GOLIM4: variants seen among roughly 807,000 people sequenced by gnomAD.
The protein encoded by GOLIM4 is golgi integral membrane protein 4.
A neutral mutation model predicts 107.4 loss-of-function variants in GOLIM4; 71 were observed. That is an observed-to-expected ratio of 0.66 (90% confidence interval 0.55 to 0.81). The LOEUF (loss-of-function observed/expected upper bound fraction) is 0.81, where lower values mean the gene tolerates loss of function less well. GOLIM4 is among the 30% of genes least tolerant of loss of function. The probability of loss-of-function intolerance (pLI) is 0.00; values close to 1 mark genes in which losing one functional copy is unlikely to be tolerated. For synonymous variants in GOLIM4, 327 were observed against 294.8 expected (o/e 1.11, Z -1.12); for missense variants, 830 against 826.1 (o/e 1.00, Z -0.06).
intron 3 of GOLIM4, 45 bp from the exon 4 acceptor site, chr3:168,044,926 T>C: frequency 1.8e-6 from 2 of 1,127,000 alleles, no homozygotes; most frequent in Non-Finnish European, 2.6e-6. Context: ...TAAATATGGC[T>C]CTCTTGTTAA....
chr3:168,056,518 G>A (rs1719981314), intron 1 of GOLIM4, among the ~76,000 whole-genome samples: 2 of 152,188 alleles, frequency 1.3e-5, no homozygotes, highest in African/African-American at 4.8e-5. Context: ...AAAAGCCACA[G>A]ACACTCAACA....
At chr3:168,017,011 G>T (rs1717408088) in intron 14 of GOLIM4, among the ~76,000 whole-genome samples, 2 of 151,224 alleles carry the variant, frequency 1.3e-5, no homozygotes, top group South Asian at 2.1e-4. Flanking sequence ...CCTGCACAAT[G>T]TGCACATGTA....
chr3:168,041,471 G>A lies in GOLIM4; in HGVS notation c.521C>T (p.Thr174Ile). The A allele has an allele frequency of 1.4e-6, 2 of 1,477,760 alleles. 1 individual carries two copies. The highest frequency in any genetic ancestry group is 2.3e-5 in the South Asian group (2 of 87,482). 91.5% of individuals were successfully genotyped at this position (1,477,760 alleles called of 1,614,324 possible). The change falls in exon 6 of 16, where the codon ACT (threonine) becomes ATT (isoleucine). Residue 174 changes from threonine to isoleucine, a missense_variant. Physicochemically the swap from Thr to Ile is moderately conservative, Grantham distance 89 (BLOSUM62 -1). Coordinates refer to ENST00000470487, the MANE Select transcript of GOLIM4 (RefSeq NM_014498.5). Reference sequence around the variant, plus strand: ...ATTCTCTTCTCTCAAATTGTATACAGTCTCTATTTTAGAAAAAGAAGGATC... The same window carrying A: ...ATTCTCTTCTCTCAAATTGTATACAATCTCTATTTTAGAAAAAGAAGGATC... Reference protein sequence around the residue: ...KEQELSKLKETVYNLREENRQ... With the variant: ...KEQELSKLKEIVYNLREENRQ...
chr3:168,064,917 C>CGAAT (rs1269797715), intron 1 of GOLIM4, among the ~76,000 whole-genome samples: 1 of 150,020 alleles, frequency 6.7e-6, no homozygotes, highest in East Asian at 1.9e-4. Flanking sequence ...TTAAAGCTAC[C>CGAAT]GAATATAACT....
In GOLIM4 at chr3:168,024,988, A is replaced by C; in HGVS notation, c.1731T>G (p.Asn577Lys). The change falls in exon 13 of 16, where the codon AAT (asparagine) becomes AAG (lysine). Residue 577 changes from asparagine (N) to lysine (K), a missense_variant. Asn to Lys is a moderately conservative substitution (Grantham distance 94). Coordinates refer to ENST00000470487, the MANE Select transcript of GOLIM4 (RefSeq NM_014498.5). ...TTTGATTACTTTGTTTTTGCTCTTC[A>C]TTTTCATCTGGCAAATTTTCTTCTC... ...QVREENLPDE[N>K]EEQKQSNQKQ... The C allele has an allele frequency of 6.2e-7, 1 of 1,613,864 alleles. No homozygotes were observed. Among genetic ancestry groups the C allele is most frequent in the Non-Finnish European group, 8.5e-7 (1 of 1,179,904 alleles).
intron 3 of GOLIM4, among the ~76,000 whole-genome samples, chr3:168,045,274 C>T (rs9815132): frequency 0.043 from 6,493 of 152,034 alleles, 430 homozygotes; most frequent in African/African-American, 0.15. Context: ...AGAAATAAAC[C>T]GATGAGGAGC....
rs1408668562 is a variant in GOLIM4 at position 168,010,811 on chromosome 3, A to G, written c.1873T>C (p.Leu625=). The stretch of plus-strand genomic sequence containing the variant: ...AGTTCCCTTTTTTTCTCTTCAGTCA[A>G]ATCTTCCTGAACCTAAAACAAACCA... ...EEAEEEVQED[L]TEEKKRELEH... is the part of the protein sequence containing the mutation. Residue 625 remains leucine, a synonymous_variant, in exon 15 of 16, where the codon TTG becomes CTG. Transcript: ENST00000470487. 5 of 1,609,404 alleles carry G rather than the reference A, an allele frequency of 3.1e-6. No individual in the cohort carries two copies. Among genetic ancestry groups the G allele is most frequent in the African/African-American group, 1.3e-5 (1 of 74,846 alleles).
chr3:168,092,713 C>A (rs1220144332), intron 1 of GOLIM4, among the ~76,000 whole-genome samples: 1 of 152,130 alleles, frequency 6.6e-6, no homozygotes, highest in African/African-American at 2.4e-5. Context: ...GTACACAGTG[C>A]TGTTGAGTAA....
chr3:168,075,297 T>TTG (rs1302480416), intron 1 of GOLIM4, among the ~76,000 whole-genome samples: 1 of 84,892 alleles, frequency 1.2e-5, no homozygotes, highest in Non-Finnish European at 2.6e-5. Flanking sequence ...TTTTTTTTTT[T>TTG]TTTTTTTTTT....
rs773783432 is a variant in GOLIM4, at chr3:168,010,366, C to A, written c.1994G>T (p.Arg665Leu). 7 of 1,612,132 alleles carry A rather than the reference C, an allele frequency of 4.3e-6. No individual in the cohort carries two copies. The highest frequency in any genetic ancestry group is 1.7e-5 in the Admixed American group (1 of 59,946). Residue 665 changes from arginine to leucine, a missense_variant, in exon 16 of 16, where the codon CGC becomes CTC. By Grantham distance (102) the Arg-to-Leu change is moderately radical. Coordinates refer to ENST00000470487, the MANE Select transcript of GOLIM4 (RefSeq NM_014498.5). The part of the protein sequence containing the change: ...GEEQEVRDDN[R>L]PKGREEHYEE... Reference sequence around the variant, plus strand: ...GTAGTGTTCCTCTCGGCCTTTGGGGCGGTTGTCATCTCGAACTTCTTGCTC... The same window carrying A: ...GTAGTGTTCCTCTCGGCCTTTGGGGAGGTTGTCATCTCGAACTTCTTGCTC...
intron 6 of GOLIM4, chr3:168,041,168 C>T (rs79237703): frequency 0.028 from 14,719 of 518,720 alleles, 1,672 homozygotes; most frequent in African/African-American, 0.25. Context: ...ATGTAACTAG[C>T]ATGAGAATAA....
chr3:168,063,087 T>G (rs1720355038), intron 1 of GOLIM4, among the ~76,000 whole-genome samples: 1 of 152,084 alleles, frequency 6.6e-6, no homozygotes, highest in Non-Finnish European at 1.5e-5. Flanking sequence ...CTAACACAAG[T>G]TCTCCTCCAA....
At position 168,048,287 on chromosome 3, in the gene GOLIM4, T is replaced by A; in HGVS notation, c.262+4A>T. On this transcript the variant is annotated splice_donor_region_variant and intron_variant, in intron 2 of 15. Coordinates refer to ENST00000470487, the MANE Select transcript of GOLIM4 (RefSeq NM_014498.5). ...CACAGAACACAAATTATGTATTTACTTACCTTCCTTTGCTTTTTTATGTTC... is the reference window on the plus strand; with the variant it reads ...CACAGAACACAAATTATGTATTTACATACCTTCCTTTGCTTTTTTATGTTC... 7.2e-7 allele frequency: 1 copy of A among 1,379,970 alleles called. No individual in the cohort carries two copies. The highest frequency in any genetic ancestry group is 2.3e-5 in the East Asian group (1 of 42,904). 85.5% of individuals were successfully genotyped at this position (1,379,970 alleles called of 1,614,324 possible). A position where few individuals can be genotyped will look rare whatever the true frequency, so the allele number is the denominator to read the frequency against.
At chr3:168,017,466 G>A (rs1044831958) in intron 14 of GOLIM4, among the ~76,000 whole-genome samples, 5 of 152,094 alleles carry the variant, frequency 3.3e-5, no homozygotes, top group African/African-American at 1.2e-4. Context: ...CAACAGCCTC[G>A]ATGACTCAGC....
chr3:168,029,126 T>A, intron 11 of GOLIM4, 97 bp downstream of exon 11: 1 of 777,914 alleles, frequency 1.3e-6, no homozygotes, highest in South Asian at 1.7e-5. Flanking sequence ...TAGGTATGCA[T>A]ACAGCTCATT....
chr3:168,032,596 T>C lies in GOLIM4; in HGVS notation c.1100A>G (p.Glu367Gly). 1 of 1,614,096 alleles carries C rather than the reference T, an allele frequency of 6.2e-7. No individual in the cohort carries two copies. The highest frequency in any genetic ancestry group is 1.1e-5 in the South Asian group (1 of 91,072). Reference protein sequence around the residue: ...LEEEHDPSPEEQDREWKEQHE... With the variant: ...LEEEHDPSPEGQDREWKEQHE... The stretch of plus-strand genomic sequence containing the variant: ...CTGCTCTTTCCACTCCCGATCCTGC[T>C]CCTCTGGTGATGGATCGTGTTCCTC... The change falls in exon 9 of 16, where the codon GAG becomes GGG. Residue 367 changes from glutamate to glycine, a missense_variant. Glu to Gly is a moderately conservative substitution (Grantham distance 98). Coordinates refer to ENST00000470487, the MANE Select transcript of GOLIM4 (RefSeq NM_014498.5).
intron 3 of GOLIM4, among the ~76,000 whole-genome samples, chr3:168,046,325 A>G (rs1454083329): frequency 6.6e-6 from 1 of 151,514 alleles, no homozygotes; most frequent in East Asian, 1.9e-4. Context: ...TTTTTTATTG[A>G]TCATTCTTGG....
chr3:168,025,608 G>A (rs1388425836), intron 12 of GOLIM4, among the ~76,000 whole-genome samples: 2 of 152,146 alleles, frequency 1.3e-5, no homozygotes, highest in African/African-American at 4.8e-5. Context: ...ATACGAAAAG[G>A]AGACAAGAAA....
intron 1 of GOLIM4, among the ~76,000 whole-genome samples, chr3:168,085,825 C>CT (rs1439703054): frequency 3.3e-5 from 5 of 151,892 alleles, no homozygotes; most frequent in African/African-American, 4.8e-5. Context: ...ACATTTCTGC[C>CT]TTTTTTTTAA....
Sources: allele counts gnomAD v4.1 joint callset (sites outside exome capture counted in the v4.1 genomes callset), GRCh38; gene constraint gnomAD v4.1.1; transcripts MANE v1.5; gene names NCBI Gene and HGNC (gene_info 2026-07-23, HGNC 2026-07-21).